GRIN2A: variants seen among roughly 807,000 people sequenced by gnomAD.
GRIN2A encodes the protein glutamate receptor ionotropic, NMDA 2A.
In GRIN2A, 22 loss-of-function variants were observed where a neutral mutation model predicts 113.4. That is an observed-to-expected ratio of 0.19 (90% CI 0.14 to 0.28). The LOEUF is 0.28. Among genes scored for constraint, GRIN2A ranks in the 10% least tolerant of loss-of-function variants. GRIN2A has a pLI of 1.00. For missense variants in GRIN2A, 1,502 were observed against 1,887.0 expected (o/e 0.80, Z 3.78); for synonymous variants, 827 against 738.4 (o/e 1.12, Z -1.94).
intron 11 of GRIN2A, among the ~76,000 whole-genome samples, chr16:9,791,836 C>G (rs1902622888): frequency 6.6e-6 from 1 of 152,082 alleles, no homozygotes; most frequent in Non-Finnish European, 1.5e-5. Context: ...CACTGACCCA[C>G]TCAGAGGGAG....
chr16:9,901,941 A>T (rs906568092), intron 3 of GRIN2A, among the ~76,000 whole-genome samples: 3 of 152,204 alleles, frequency 2.0e-5, no homozygotes, highest in African/African-American at 4.8e-5. Flanking sequence ...AAATGTATTT[A>T]GCCTCTAATA....
At chr16:9,934,241 T>TA (rs146948258) in intron 3 of GRIN2A, among the ~76,000 whole-genome samples, 1,916 of 152,318 alleles carry the variant, frequency 0.013, 44 homozygotes, top group African/African-American at 0.044. Context: ...GAATTCTTAT[T>TA]CCTAAGTTTG....
chr16:10,136,775 C>G (rs1567325298), intron 2 of GRIN2A, among the ~76,000 whole-genome samples: 2 of 152,284 alleles, frequency 1.3e-5, no homozygotes, highest in South Asian at 4.1e-4. Flanking sequence ...GGCCTCACGA[C>G]TGTGCTAAGC....
At chr16:10,148,642 A>G (rs1418601367) in intron 2 of GRIN2A, among the ~76,000 whole-genome samples, 4 of 152,182 alleles carry the variant, frequency 2.6e-5, no homozygotes, top group African/African-American at 4.8e-5. Flanking sequence ...TGTCAACTCC[A>G]TCCAGCACGT....
chr16:9,864,241 AT>A (rs2043122890), intron 4 of GRIN2A, among the ~76,000 whole-genome samples: 1 of 152,172 alleles, frequency 6.6e-6, no homozygotes, highest in African/African-American at 2.4e-5. Flanking sequence ...CCTGAATGAT[AT>A]TAAGAAGTTT....
At chr16:10,158,354 G>A (rs1015181243) in intron 2 of GRIN2A, among the ~76,000 whole-genome samples, 1 of 152,138 alleles carries the variant, frequency 6.6e-6, no homozygotes, top group Non-Finnish European at 1.5e-5. Context: ...TGGGAGTAGG[G>A]GGATATCTAT....
At chr16:10,057,067 C>T (rs969424573) in intron 2 of GRIN2A, among the ~76,000 whole-genome samples, 1 of 152,010 alleles carries the variant, frequency 6.6e-6, no homozygotes, top group Non-Finnish European at 1.5e-5. Context: ...CACCCAATTC[C>T]CCATTCATTC....
chr16:9,842,708 G>C (rs572963148), intron 5 of GRIN2A, among the ~76,000 whole-genome samples: 63 of 152,312 alleles, frequency 4.1e-4, no homozygotes, highest in African/African-American at 1.3e-3. Context: ...AAGCCAAGTT[G>C]GGTGGATCCC....
In GRIN2A at chr16:10,111,494, T is replaced by C. The variant is rs576565981; in HGVS notation, c.414+68504A>G. 7 of 680,704 alleles carry C rather than the reference T, an allele frequency of 1.0e-5. No homozygotes were observed. The East Asian group carries it at 1.6e-4, about 15-fold the overall frequency. 42.2% of individuals were successfully genotyped at this position (680,704 alleles called of 1,614,324 possible). ...CGCACCCACAACAACTTCCTGATTC[T>C]CCCATGGTTCATAGATTTCATAGCT... On this transcript the variant is annotated intron_variant, in intron 2 of 12. Coordinates refer to ENST00000330684, the MANE Select transcript of GRIN2A (RefSeq NM_001134407.3).
At chr16:10,081,284 C>T (rs553404072) in intron 2 of GRIN2A, among the ~76,000 whole-genome samples, 1 of 152,294 alleles carries the variant, frequency 6.6e-6, no homozygotes, top group Non-Finnish European at 1.5e-5. Context: ...ATTCCACTTG[C>T]CTGGTTTCCT....
At chr16:9,887,460 T>C (rs1187605198) in intron 4 of GRIN2A, among the ~76,000 whole-genome samples, 1 of 152,214 alleles carries the variant, frequency 6.6e-6, no homozygotes, top group African/African-American at 2.4e-5. Context: ...CGTAATATAA[T>C]CTTTCGTGTC....
At chr16:9,998,416 AATAG>A (rs754778578) in intron 2 of GRIN2A, among the ~76,000 whole-genome samples, 20 of 152,208 alleles carry the variant, frequency 1.3e-4, no homozygotes, top group Non-Finnish European at 1.9e-4. Context: ...GTGAATACTT[AATAG>A]ATACAGAATT....
chr16:9,823,035 C>T (rs2042317362), intron 9 of GRIN2A, among the ~76,000 whole-genome samples: 1 of 152,182 alleles, frequency 6.6e-6, no homozygotes, highest in Admixed American at 6.5e-5. Flanking sequence ...GCATGGCAGG[C>T]TCCATGAATA....
At chr16:9,920,015 G>A (rs560127639) in intron 3 of GRIN2A, among the ~76,000 whole-genome samples, 51 of 152,198 alleles carry the variant, frequency 3.4e-4, no homozygotes, top group Middle Eastern at 3.4e-3. Context: ...TCTCTGCTCC[G>A]TTTCTCTTCC....
chr16:10,109,955 G>C (rs1357773676), intron 2 of GRIN2A, among the ~76,000 whole-genome samples: 1 of 151,778 alleles, frequency 6.6e-6, no homozygotes, highest in Non-Finnish European at 1.5e-5. Context: ...CAATGTGCAG[G>C]TTAGTTACAT....
At chr16:9,954,280 TA>T (rs1448112418) in intron 2 of GRIN2A, among the ~76,000 whole-genome samples, 18 of 152,302 alleles carry the variant, frequency 1.2e-4, no homozygotes, top group African/African-American at 4.3e-4. Flanking sequence ...AGAGAAAACG[TA>T]AAATCTAAGT....
At chr16:10,035,056 C>T (rs145997017) in intron 2 of GRIN2A, among the ~76,000 whole-genome samples, 70 of 148,866 alleles carry the variant, frequency 4.7e-4, no homozygotes, top group African/African-American at 1.5e-3. Flanking sequence ...GACAGGGTCT[C>T]GTTCTGTCAC....
chr16:10,040,985 C>T (rs1467331858), intron 2 of GRIN2A, among the ~76,000 whole-genome samples: 3 of 152,384 alleles, frequency 2.0e-5, no homozygotes, highest in Non-Finnish European at 2.9e-5. Flanking sequence ...TCTCTGCCTC[C>T]ACCTGACATC....
In GRIN2A at chr16:9,978,335, C is replaced by G. The variant is rs2045817385; in HGVS notation, c.415-39784G>C. On this transcript the variant is annotated intron_variant, in intron 2 of 12. Coordinates refer to ENST00000330684, the MANE Select transcript of GRIN2A (RefSeq NM_001134407.3). ...CCTATCTGTGTGAACTTGGGCAAGT[C>G]TTTTCACCTTGCTTACCCTCAGTTT... is the stretch of plus-strand genomic sequence containing the variant. Among the ~76,000 whole-genome samples, 3 of 152,170 alleles carry G rather than the reference C, an allele frequency of 2.0e-5. No individual in the cohort carries two copies. In the South Asian group the frequency reaches 6.2e-4, roughly 32 times the overall value.
Sources: allele counts gnomAD v4.1 joint callset (sites outside exome capture counted in the v4.1 genomes callset), GRCh38; gene constraint gnomAD v4.1.1; transcripts MANE v1.5; gene names NCBI Gene and HGNC (gene_info 2026-07-23, HGNC 2026-07-21).